Variants in STARD13 observed in about 807,000 individuals in gnomAD.
STARD13 encodes StAR related lipid transfer domain containing 13.
A neutral mutation model predicts 106.4 loss-of-function variants in STARD13; 62 were observed. The observed-to-expected ratio is 0.58, with a 90% CI of 0.48 to 0.72. The LOEUF (loss-of-function observed/expected upper bound fraction) is 0.72, where lower values mean the gene tolerates loss of function less well. Ranked by LOEUF, STARD13 falls within the 30% of genes least tolerant of loss-of-function variation. STARD13 has a pLI of 0.00. For synonymous variants in STARD13, 565 were observed against 553.0 expected, an observed-to-expected ratio of 1.02 and a Z score of -0.31; for missense variants, 1,387 against 1,424.0, an observed-to-expected ratio of 0.97 and a Z score of 0.42.
At chr13:33,146,724 T>G (rs115542630) in intron 3 of STARD13, among the ~76,000 whole-genome samples, 99 of 152,292 alleles carry the variant, frequency 6.5e-4, no homozygotes, top group African/African-American at 2.3e-3. Flanking sequence ...AATCAACTTT[T>G]TAAGAAAGCT....
chr13:33,488,747 A>G, the STARD13 span, among the ~76,000 whole-genome samples: 7 of 152,162 alleles, frequency 4.6e-5, no homozygotes, highest in Non-Finnish European at 7.3e-5. Context: ...CTGGAATCCT[A>G]TCTATCTTTC....
At chr13:33,213,826 G>T (rs1377186569) in intron 1 of STARD13, among the ~76,000 whole-genome samples, 1 of 152,176 alleles carries the variant, frequency 6.6e-6, no homozygotes, top group East Asian at 1.9e-4. Flanking sequence ...TTTCAATGGT[G>T]GTATCTTTAA....
At chr13:33,325,233 G>C (rs1452543665) in intron 1 of STARD13, among the ~76,000 whole-genome samples, 1 of 152,134 alleles carries the variant, frequency 6.6e-6, no homozygotes, top group Non-Finnish European at 1.5e-5. Context: ...CTGAGTAAGT[G>C]AAGGCTCAGT....
At chr13:33,529,958 T>C in the STARD13 span, among the ~76,000 whole-genome samples, 1 of 152,132 alleles carries the variant, frequency 6.6e-6, no homozygotes. Context: ...CTGTAGGTAA[T>C]GGGAGCCCTG....
the STARD13 span, among the ~76,000 whole-genome samples, chr13:33,358,295 T>C: frequency 3.9e-5 from 6 of 152,074 alleles, no homozygotes; most frequent in Non-Finnish European, 5.9e-5. Flanking sequence ...AGCCCGAGCC[T>C]CCCCGAGGAG....
At chr13:33,469,726 A>T in the STARD13 span, among the ~76,000 whole-genome samples, 1 of 152,124 alleles carries the variant, frequency 6.6e-6, no homozygotes, top group East Asian at 1.9e-4. Context: ...GGAAATTGAC[A>T]CACATTATTT....
At position 33,104,595 on chromosome 13, in the gene STARD13, C is replaced by T. The variant is rs996122020; in HGVS notation, c.*998G>A. On this transcript the variant is annotated 3_prime_UTR_variant, in exon 14 of 14. Transcript: ENST00000336934. ...TGAATTCAGTGCAATAAGAAAACACCAATTAACTGTGACCAAATAGGCCAC... is the reference window on the plus strand; with the variant it reads ...TGAATTCAGTGCAATAAGAAAACACTAATTAACTGTGACCAAATAGGCCAC... The T allele has an allele frequency of 2.6e-5, 4 of 152,562 alleles. No homozygotes were observed. The highest frequency in any genetic ancestry group is 4.4e-5 in the Non-Finnish European group (3 of 68,028). The allele number at this position is 152,562 out of a possible 1,614,324, so 9.5% of individuals were successfully genotyped here. A position where few individuals can be genotyped will look rare whatever the true frequency, so the allele number is the denominator to read the frequency against.
the STARD13 span, among the ~76,000 whole-genome samples, chr13:33,458,277 GT>G: frequency 0.19 from 26,950 of 143,940 alleles, 3,837 homozygotes; most frequent in African/African-American, 0.41. Flanking sequence ...GTTTTTTGTT[GT>G]TTTTTTTTTT....
the STARD13 span, among the ~76,000 whole-genome samples, chr13:33,569,139 TG>T: frequency 1.5e-4 from 22 of 147,998 alleles, 1 homozygote; most frequent in Non-Finnish European, 3.0e-5. Flanking sequence ...TTTATATGCA[TG>T]GCCTGTTAAA....
At chr13:33,426,628 T>C in the STARD13 span, among the ~76,000 whole-genome samples, 1 of 152,232 alleles carries the variant, frequency 6.6e-6, no homozygotes, top group Non-Finnish European at 1.5e-5. Context: ...TACATTGTCA[T>C]TTAATTATAA....
chr13:33,129,532 C>A lies in STARD13; in HGVS notation c.1145G>T (p.Ser382Ile). The A allele has an allele frequency of 6.2e-7, 1 of 1,614,180 alleles. No individual in the cohort carries two copies. The highest frequency in any genetic ancestry group is 1.1e-5 in the South Asian group (1 of 91,082). The change falls in exon 5 of 14, where the codon AGC becomes ATC. Residue 382 changes from serine to isoleucine, a missense_variant. Coordinates refer to ENST00000336934, the MANE Select transcript of STARD13 (RefSeq NM_178006.4). ...GTALPDAGDQSRMHEFHSQEN... is the reference protein window; with the variant it reads ...GTALPDAGDQIRMHEFHSQEN... ...TTGGGAGTGAAATTCATGCATACGG[C>A]TTTGGTCCCCTGCATCCGGCAGTGC...
At position 33,197,416 on chromosome 13, in the gene STARD13, TTG is replaced by T. The variant is rs142681141; in HGVS notation, c.170-29796_170-29795del. 2.2e-3 allele frequency among the ~76,000 whole-genome samples: 325 copies of T among 148,050 alleles called. 2 individuals carry two copies. The highest frequency in any genetic ancestry group is 6.1e-3 in the African/African-American group (246 of 40,344). ...TATCTCTATAGACAAAGGAAGAGAG[TTG>T]TGTGTGTGTGTGTGTGTGTGTGTGT... On this transcript the variant is annotated intron_variant, in intron 1 of 13. Transcript: ENST00000336934.
At chr13:33,171,222 C>A (rs1449740585) in intron 1 of STARD13, among the ~76,000 whole-genome samples, 1 of 152,202 alleles carries the variant, frequency 6.6e-6, no homozygotes, top group East Asian at 1.9e-4. Context: ...CCCTTACCCA[C>A]CCCTGTAGCA....
At chr13:33,190,690 G>A (rs967070594) in intron 1 of STARD13, among the ~76,000 whole-genome samples, 1 of 151,104 alleles carries the variant, frequency 6.6e-6, no homozygotes, top group Non-Finnish European at 1.5e-5. Context: ...GGGTTCAAGC[G>A]ATTCTTCTGC....
Position 33,130,216 on chromosome 13 carries a change from G to C in STARD13, c.461C>G (p.Ser154Cys), listed in dbSNP as rs764935093. The C allele has an allele frequency of 7.4e-6, 12 of 1,611,174 alleles. No homozygotes were observed. The highest frequency in any genetic ancestry group is 1.0e-5 in the Non-Finnish European group (12 of 1,180,026). ...WTFQRTSRRW[S>C]RVDDLYTLLP... is the part of the protein sequence containing the mutation. ...CAGCGTGTAGAGGTCGTCCACACGA[G>C]ACCACCTGCGACTGGTTCTTTGGAA... The change falls in exon 5 of 14, where the codon TCT becomes TGT. Residue 154 changes from serine (S) to cysteine (C), a missense_variant. Coordinates refer to ENST00000336934, the MANE Select transcript of STARD13 (RefSeq NM_178006.4). The surrounding 1 kb of genome is among the most constrained non-coding windows in gnomAD (Gnocchi z 4.1).
At chr13:33,543,365 G>T in the STARD13 span, among the ~76,000 whole-genome samples, 3 of 152,170 alleles carry the variant, frequency 2.0e-5, no homozygotes, top group African/African-American at 7.2e-5. Flanking sequence ...TTTCAGAAAG[G>T]TAGCCTCAGA....
chr13:33,251,528 G>T (rs1229300428), intron 1 of STARD13, among the ~76,000 whole-genome samples: 1 of 152,154 alleles, frequency 6.6e-6, no homozygotes, highest in Non-Finnish European at 1.5e-5. Flanking sequence ...CAGAGCTTTT[G>T]GTCTCAGTGT....
the STARD13 span, among the ~76,000 whole-genome samples, chr13:33,472,608 T>C: frequency 6.6e-6 from 1 of 151,980 alleles, no homozygotes; most frequent in Non-Finnish European, 1.5e-5. Context: ...GGGAGCAAAA[T>C]TGCTGCATTA....
the STARD13 span, among the ~76,000 whole-genome samples, chr13:33,566,458 G>T: frequency 6.8e-6 from 1 of 148,002 alleles, no homozygotes; most frequent in African/African-American, 2.5e-5. Flanking sequence ...CAGAGACAAA[G>T]TCTAGTTTTC....
Sources: gnomAD v4.1 joint callset for allele counts (sites outside exome capture counted in the v4.1 genomes callset) on GRCh38, gnomAD v4.1.1 for gene constraint, Gnocchi (gnomAD v3.1) non-coding constraint, MANE v1.5 for transcripts, NCBI Gene and HGNC (gene_info 2026-07-23, HGNC 2026-07-21) for gene names.